Variants in SLC6A11 observed in about 807,000 individuals in gnomAD.
The protein encoded by SLC6A11 is sodium- and chloride-dependent GABA transporter 3.
Under a neutral mutation model 74.8 loss-of-function variants are expected in SLC6A11, and 25 were observed. That is an observed-to-expected ratio of 0.33 (90% CI 0.24 to 0.47). The LOEUF (loss-of-function observed/expected upper bound fraction) is 0.47, where lower values mean the gene tolerates loss of function less well. Ranked by LOEUF, SLC6A11 falls within the 20% of genes least tolerant of loss-of-function variation. The probability of loss-of-function intolerance (pLI) is 1.00; values close to 1 mark genes in which losing one functional copy is unlikely to be tolerated. For missense variants in SLC6A11, 574 were observed against 837.0 expected, an observed-to-expected ratio of 0.69 and a Z score of 3.88; for synonymous variants, 330 against 330.2, an observed-to-expected ratio of 1.00 and a Z score of 0.01.
At chr3:10,903,380 T>C (rs1446566761) in intron 6 of SLC6A11, among the ~76,000 whole-genome samples, 1 of 152,238 alleles carries the variant, frequency 6.6e-6, no homozygotes, top group Non-Finnish European at 1.5e-5. Flanking sequence ...CCCTGGCCCC[T>C]ACTGCCACTG....
At chr3:10,910,483 A>G (rs1695371878) in intron 6 of SLC6A11, among the ~76,000 whole-genome samples, 1 of 152,170 alleles carries the variant, frequency 6.6e-6, no homozygotes, top group Non-Finnish European at 1.5e-5. Context: ...AAATGTTCTA[A>G]TAGTCAGAGC....
chr3:10,833,503 C>T (rs1694325249), intron 4 of SLC6A11, among the ~76,000 whole-genome samples: 1 of 152,184 alleles, frequency 6.6e-6, no homozygotes, highest in Non-Finnish European at 1.5e-5. Context: ...ATGATGCCAT[C>T]CGAATGCTAT....
At chr3:10,848,922 A>G (rs1402314718) in intron 5 of SLC6A11, among the ~76,000 whole-genome samples, 6 of 152,194 alleles carry the variant, frequency 3.9e-5, no homozygotes, top group Non-Finnish European at 1.5e-5. Context: ...ACTTGGAAGG[A>G]GCCAAGCTGG....
intron 3 of SLC6A11, among the ~76,000 whole-genome samples, chr3:10,822,766 G>A (rs1037677432): frequency 6.6e-6 from 1 of 152,178 alleles, no homozygotes; most frequent in African/African-American, 2.4e-5. Flanking sequence ...GATCTAGTGA[G>A]GGAATGATGA....
intron 5 of SLC6A11, among the ~76,000 whole-genome samples, chr3:10,846,649 C>T (rs932013484): frequency 4.6e-5 from 7 of 152,170 alleles, no homozygotes; most frequent in African/African-American, 1.7e-4. Context: ...TGAGGAAGGG[C>T]AGACAGCTAT....
chr3:10,889,707 G>T (rs540405545), intron 6 of SLC6A11, among the ~76,000 whole-genome samples: 1 of 152,332 alleles, frequency 6.6e-6, no homozygotes, highest in South Asian at 2.1e-4. Context: ...AACACCCCTG[G>T]TGGTTTTTAT....
At chr3:10,903,037 T>C (rs369528993) in intron 6 of SLC6A11, among the ~76,000 whole-genome samples, 3 of 152,312 alleles carry the variant, frequency 2.0e-5, no homozygotes, top group East Asian at 1.9e-4. Context: ...TAAAAGTTAG[T>C]TGGTGTCATT....
In SLC6A11 at chr3:10,919,160, A is replaced by C. The variant is rs1018772826; in HGVS notation, c.1120+707A>C. Among the ~76,000 whole-genome samples, 6 of 152,176 alleles carry C rather than the reference A, an allele frequency of 3.9e-5. No individual in the cohort carries two copies. In the East Asian group the frequency reaches 1.2e-3, roughly 29 times the overall value. On this transcript the variant is annotated intron_variant, in intron 8 of 13. Transcript: ENST00000254488. Reference sequence around the variant, plus strand: ...GTGACAGCCTTAAGTATAGATTGACATGTGTTTGTAGCAAACCCACCAAGA... The same window carrying C: ...GTGACAGCCTTAAGTATAGATTGACCTGTGTTTGTAGCAAACCCACCAAGA...
chr3:10,891,731 C>T (rs975330473), intron 6 of SLC6A11, among the ~76,000 whole-genome samples: 1 of 152,208 alleles, frequency 6.6e-6, no homozygotes, highest in Non-Finnish European at 1.5e-5. Context: ...CCGAGAACCT[C>T]CAGTTGAAAC....
intron 6 of SLC6A11, among the ~76,000 whole-genome samples, chr3:10,904,808 G>C (rs749894711): frequency 6.6e-6 from 1 of 152,112 alleles, no homozygotes; most frequent in Non-Finnish European, 1.5e-5. Context: ...GAGCCAGAAC[G>C]CTCTAGGTTC....
intron 5 of SLC6A11, among the ~76,000 whole-genome samples, chr3:10,856,555 T>C (rs34936845): frequency 0.033 from 5,060 of 152,260 alleles, 222 homozygotes; most frequent in South Asian, 0.1. Context: ...GGTCACACAG[T>C]TGGTGGAGGA....
rs1485647770 is a variant in SLC6A11, at chr3:10,918,008, G to A, written c.996-321G>A. Among the ~76,000 whole-genome samples, 1 of 152,170 alleles carries A rather than the reference G, an allele frequency of 6.6e-6. No homozygotes were observed. The highest frequency in any genetic ancestry group is 2.4e-5 in the African/African-American group (1 of 41,448). On this transcript the variant is annotated intron_variant, in intron 7 of 13. Coordinates refer to ENST00000254488, the MANE Select transcript of SLC6A11 (RefSeq NM_014229.3). This position sits in a 1 kb window ranked among gnomAD's most constrained non-coding sequence, Gnocchi z 4.5. The stretch of plus-strand genomic sequence containing the variant: ...AGCCTTTCTCTCCTACCAGGGACTT[G>A]GAGGAGCGTCGGTGTGTTTCAGAGT...
intron 5 of SLC6A11, among the ~76,000 whole-genome samples, chr3:10,852,940 A>G (rs1348098084): frequency 6.6e-6 from 1 of 152,198 alleles, no homozygotes; most frequent in Non-Finnish European, 1.5e-5. Context: ...ATGGTGGCCA[A>G]GGGGAGTGGA....
intron 4 of SLC6A11, among the ~76,000 whole-genome samples, chr3:10,839,853 C>A (rs1484251455): frequency 6.6e-6 from 1 of 152,174 alleles, no homozygotes; most frequent in Non-Finnish European, 1.5e-5. Context: ...CCACCCTACC[C>A]ATCCAAGGAT....
chr3:10,867,973 T>C (rs1694785151), intron 5 of SLC6A11, among the ~76,000 whole-genome samples: 2 of 152,230 alleles, frequency 1.3e-5, no homozygotes. Context: ...TGGTGGTAAT[T>C]CACAGTTTTC....
intron 6 of SLC6A11, among the ~76,000 whole-genome samples, chr3:10,890,692 C>T (rs945226379): frequency 1.3e-5 from 2 of 152,230 alleles, no homozygotes; most frequent in Non-Finnish European, 1.5e-5. Context: ...TCACAACATG[C>T]TGTACTGATT....
At chr3:10,821,596 A>G (rs1217754288) in intron 3 of SLC6A11, among the ~76,000 whole-genome samples, 1 of 152,178 alleles carries the variant, frequency 6.6e-6, no homozygotes, top group East Asian at 1.9e-4. Flanking sequence ...ATATAATTTT[A>G]CCAAATAGCA....
intron 4 of SLC6A11, among the ~76,000 whole-genome samples, chr3:10,835,433 C>T (rs1168666253): frequency 6.6e-6 from 1 of 152,202 alleles, no homozygotes; most frequent in Non-Finnish European, 1.5e-5. Context: ...CTCCGTCTCT[C>T]ACCTTCCCCT....
At chr3:10,880,556 G>A (rs76781945) in intron 6 of SLC6A11, among the ~76,000 whole-genome samples, 5,682 of 152,276 alleles carry the variant, frequency 0.037, 363 homozygotes, top group African/African-American at 0.13. Flanking sequence ...GATTAGGGGA[G>A]GAAGAGAAGC....
Sources: gnomAD v4.1 joint callset for allele counts (sites outside exome capture counted in the v4.1 genomes callset) on GRCh38, gnomAD v4.1.1 for gene constraint, Gnocchi (gnomAD v3.1) non-coding constraint, MANE v1.5 for transcripts, NCBI Gene and HGNC (gene_info 2026-07-23, HGNC 2026-07-21) for gene names.